Variants in POLN observed in about 807,000 individuals in gnomAD.
POLN encodes DNA polymerase nu.
In POLN, 108 loss-of-function variants were observed where a neutral mutation model predicts 113.5. That is an observed-to-expected ratio of 0.95 (90% CI 0.81 to 1.12). POLN has a LOEUF of 1.12. Among genes scored for constraint, POLN ranks in the 50% most tolerant of loss-of-function variants. The probability of loss-of-function intolerance (pLI) is 0.00; values close to 1 mark genes in which losing one functional copy is unlikely to be tolerated. For synonymous variants in POLN, 386 were observed against 391.5 expected (o/e 0.99, Z 0.17); for missense variants, 1,097 against 1,077.1 (o/e 1.02, Z -0.26).
chr4:2,214,919 A>G (rs1358506354), intron 3 of POLN, among the ~76,000 whole-genome samples: 1 of 151,600 alleles, frequency 6.6e-6, no homozygotes, highest in Non-Finnish European at 1.5e-5. Flanking sequence ...ATACATATAC[A>G]TATATATGTA....
At chr4:2,220,217 G>A (rs536140295) in intron 3 of POLN, among the ~76,000 whole-genome samples, 6 of 152,274 alleles carry the variant, frequency 3.9e-5, no homozygotes, top group Admixed American at 2.6e-4. Flanking sequence ...CTAGAGGGAC[G>A]CTGTCAGAGA....
At chr4:2,094,001 G>A (rs1019630347) in intron 20 of POLN, among the ~76,000 whole-genome samples, 1 of 152,154 alleles carries the variant, frequency 6.6e-6, no homozygotes, top group Admixed American at 6.5e-5. Context: ...TGCCCAAGGT[G>A]TGAGGCCCAT....
chr4:2,165,858 C>A (rs910037391), intron 13 of POLN, among the ~76,000 whole-genome samples: 6 of 152,016 alleles, frequency 3.9e-5, no homozygotes, highest in Non-Finnish European at 5.9e-5. Flanking sequence ...CTCAGTGCAG[C>A]CTTGAACTAC....
rs868394249 is a variant in POLN, at chr4:2,221,058, T to C, written c.134-7932A>G. On this transcript the variant is annotated intron_variant, in intron 3 of 25. Transcript: ENST00000511885. ...GCTCTCCATTGTTCTCCAGCAAAGG[T>C]GGGGGGAAGCGCTCAGGGTGGGGCC... Among the ~76,000 whole-genome samples the C allele has an allele frequency of 5.3e-5, 8 of 152,062 alleles. No homozygotes were observed. The South Asian group carries it at 1.0e-3, about 20-fold the overall frequency.
At chr4:2,217,240 G>A (rs1435136428) in intron 3 of POLN, among the ~76,000 whole-genome samples, 1 of 152,094 alleles carries the variant, frequency 6.6e-6, no homozygotes, top group Non-Finnish European at 1.5e-5. Flanking sequence ...ATAGTCAAGG[G>A]GCACCACCCA....
intron 7 of POLN, among the ~76,000 whole-genome samples, chr4:2,183,063 A>G (rs1733183286): frequency 6.6e-6 from 1 of 152,268 alleles, no homozygotes; most frequent in Non-Finnish European, 1.5e-5. Context: ...AAGATGTCCA[A>G]TATCATTAGG....
At chr4:2,079,444 T>C in intron 23 of POLN, 1 of 985,466 alleles carries the variant, frequency 1.0e-6, no homozygotes, top group Non-Finnish European at 1.2e-6. Context: ...TCAGTGTATA[T>C]GCGTATATGT....
At chr4:2,073,526 A>G (rs530462948) in intron 24 of POLN, among the ~76,000 whole-genome samples, 1 of 152,340 alleles carries the variant, frequency 6.6e-6, no homozygotes, top group Admixed American at 6.5e-5. Flanking sequence ...TTGAGGCAAC[A>G]GTGGCTTTGT....
At chr4:2,212,409 C>G (rs902776127) in intron 4 of POLN, among the ~76,000 whole-genome samples, 3 of 152,176 alleles carry the variant, frequency 2.0e-5, no homozygotes, top group Non-Finnish European at 4.4e-5. Context: ...GAGTCTTGCT[C>G]TGTTGCCCAG....
At chr4:2,173,072 ACATT>A (rs1732903773) in intron 11 of POLN, among the ~76,000 whole-genome samples, 1 of 152,238 alleles carries the variant, frequency 6.6e-6, no homozygotes. Context: ...AAGCTAAACT[ACATT>A]GCTTAGGCTT....
intron 16 of POLN, among the ~76,000 whole-genome samples, chr4:2,134,336 T>C (rs920567730): frequency 2.0e-5 from 3 of 152,250 alleles, no homozygotes; most frequent in African/African-American, 7.2e-5. Flanking sequence ...GTGCAGGTTC[T>C]TGTGTGGACA....
intron 6 of POLN, among the ~76,000 whole-genome samples, chr4:2,195,290 T>C (rs148344115): frequency 9.7e-4 from 147 of 152,328 alleles, no homozygotes; most frequent in African/African-American, 3.5e-3. Flanking sequence ...CATTCAATGA[T>C]AATATTGAAT....
chr4:2,142,570 C>T (rs1219560957), intron 16 of POLN, among the ~76,000 whole-genome samples: 1 of 152,140 alleles, frequency 6.6e-6, no homozygotes, highest in Non-Finnish European at 1.5e-5. Context: ...CCGTGGGACC[C>T]AAAGAATCTC....
chr4:2,131,226 G>A lies in POLN; in HGVS notation c.1789+7C>T, dbSNP rs1731720733. 1 of 1,569,788 alleles carries A rather than the reference G, an allele frequency of 6.4e-7. No individual in the cohort carries two copies. The highest frequency in any genetic ancestry group is 1.1e-5 in the South Asian group (1 of 89,188). ...AGACTTTAGCAAGGTAGTAAGAAAT[G>A]AGTTACCTTTAAAATTCTTAGGTGT... On this transcript the variant is annotated splice_region_variant and intron_variant, in intron 17 of 25. Coordinates refer to ENST00000511885, the MANE Select transcript of POLN (RefSeq NM_181808.4).
At chr4:2,238,597 T>C (rs759764059) in intron 2 of POLN, 10 of 1,526,436 alleles carry the variant, frequency 6.6e-6, no homozygotes, top group Middle Eastern at 2.2e-4. Flanking sequence ...CAATGAAGCA[T>C]ACGTACCTAT....
At chr4:2,077,386 G>A (rs1730301022) in intron 23 of POLN, among the ~76,000 whole-genome samples, 1 of 152,236 alleles carries the variant, frequency 6.6e-6, no homozygotes, top group Non-Finnish European at 1.5e-5. Flanking sequence ...TACATCCACA[G>A]GACACTACGT....
chr4:2,125,068 C>T (rs1731544930), intron 19 of POLN, among the ~76,000 whole-genome samples: 1 of 152,014 alleles, frequency 6.6e-6, no homozygotes. Flanking sequence ...GTTTTTTGTC[C>T]CCCAGTAGAG....
intron 19 of POLN, among the ~76,000 whole-genome samples, chr4:2,103,505 G>A (rs1730979415): frequency 6.6e-6 from 1 of 152,154 alleles, no homozygotes; most frequent in African/African-American, 2.4e-5. Flanking sequence ...TCCTGAGGTT[G>A]AAGAGAGATC....
chr4:2,145,384 TG>T (rs1732112049), intron 16 of POLN, among the ~76,000 whole-genome samples: 1 of 151,808 alleles, frequency 6.6e-6, no homozygotes, highest in African/African-American at 2.4e-5. Flanking sequence ...AACCACAGAC[TG>T]GGAGAAGATA....
Sources: allele counts gnomAD v4.1 joint callset (sites outside exome capture counted in the v4.1 genomes callset), GRCh38; gene constraint gnomAD v4.1.1; transcripts MANE v1.5; gene names NCBI Gene and HGNC (gene_info 2026-07-23, HGNC 2026-07-21).